The following PROKR1 variants were observed in gnomAD, a reference collection of about 807,000 sequenced individuals.
The protein encoded by PROKR1 is G protein-coupled receptor 73.
Under a neutral mutation model 22.8 loss-of-function variants are expected in PROKR1, and 21 were observed. The ratio of observed to expected loss-of-function variants is 0.92; its 90% CI spans 0.65 to 1.32. PROKR1 has a LOEUF of 1.32. Ranked by LOEUF, PROKR1 falls within the 40% of genes most tolerant of loss-of-function variation. The pLI is 0.00. For missense variants in PROKR1, 548 were observed against 514.2 expected, an observed-to-expected ratio of 1.07 and a Z score of -0.64; for synonymous variants, 193 against 207.5, an observed-to-expected ratio of 0.93 and a Z score of 0.60.
chr2:68,644,534 C>G (rs573268645), intron 1 of PROKR1, among the ~76,000 whole-genome samples: 28 of 152,122 alleles, frequency 1.8e-4, no homozygotes, highest in Non-Finnish European at 3.5e-4. Context: ...AAACTTGGCC[C>G]CAAGAAGACA....
intron 2 of PROKR1, chr2:68,649,436 T>TTTCA (rs1673263682): frequency 6.6e-6 from 1 of 152,228 alleles, no homozygotes; most frequent in Admixed American, 6.5e-5. Context: ...CATCCTAAAC[T>TTTCA]TTCATTCATT....
In PROKR1 at chr2:68,645,836, G is replaced by C; in HGVS notation, c.15G>C (p.Met5Ile). 2 of 1,614,176 alleles carry C rather than the reference G, an allele frequency of 1.2e-6. No individual in the cohort carries two copies. The highest frequency in any genetic ancestry group is 1.7e-6 in the Non-Finnish European group (2 of 1,180,032). The change falls in exon 2 of 3, where the codon ATG (methionine) becomes ATC (isoleucine). Residue 5 changes from methionine to isoleucine, a missense_variant. Physicochemically the swap from Met to Ile is conservative, Grantham distance 10 (BLOSUM62 1). Coordinates refer to ENST00000303786, the MANE Select transcript of PROKR1 (RefSeq NM_138964.4). The stretch of plus-strand genomic sequence containing the variant: ...CACCTGGCCAGATGGAGACCACCAT[G>C]GGGTTCATGGATGACAATGCCACCA... METT[M>I]GFMDDNATNT...
rs373028191 is a variant in PROKR1, at chr2:68,652,465, G to A, written c.486-2415G>A. Among the ~76,000 whole-genome samples, 18 of 152,218 alleles carry A rather than the reference G, an allele frequency of 1.2e-4. 1 individual carries two copies. Among genetic ancestry groups the A allele is most frequent in the South Asian group, 2.1e-4 (1 of 4,820 alleles). Reference sequence around the variant, plus strand: ...GCACAGCTCATGGCACTAATTCTGCGGATGGAGTTGGGGTGATGTCAGAGA... The same window carrying A: ...GCACAGCTCATGGCACTAATTCTGCAGATGGAGTTGGGGTGATGTCAGAGA... On this transcript the variant is annotated intron_variant, in intron 2 of 2. Coordinates refer to ENST00000303786, the MANE Select transcript of PROKR1 (RefSeq NM_138964.4).
chr2:68,654,078 T>C (rs748368272), intron 2 of PROKR1, among the ~76,000 whole-genome samples: 11 of 152,168 alleles, frequency 7.2e-5, no homozygotes, highest in Non-Finnish European at 1.5e-4. Flanking sequence ...TCCTCCTCCT[T>C]TGCATGCAAA....
intron 1 of PROKR1, 24 bp from the exon 2 acceptor site, chr2:68,645,638 C>T (rs566617989): frequency 4.7e-6 from 4 of 850,570 alleles, no homozygotes; most frequent in Admixed American, 2.5e-5. Context: ...AACATATAGC[C>T]AACTGTTTGT....
intron 2 of PROKR1, among the ~76,000 whole-genome samples, chr2:68,650,156 T>C (rs1238324057): frequency 6.6e-6 from 1 of 151,830 alleles, no homozygotes; most frequent in African/African-American, 2.4e-5. Flanking sequence ...GCATGGCACA[T>C]GTATACATAT....
Position 68,646,311 on chromosome 2 carries a change from G to A in PROKR1, c.485+5G>A. The A allele has an allele frequency of 5.6e-6, 9 of 1,614,210 alleles. No homozygotes were observed. Among genetic ancestry groups the A allele is most frequent in the Non-Finnish European group, 6.8e-6 (8 of 1,180,044 alleles). ...GCTGGCCATCGCCATTGACAGGTGAGTGCAGCAGCAGTGGGGACAACAAAG... is the reference window on the plus strand; with the variant it reads ...GCTGGCCATCGCCATTGACAGGTGAATGCAGCAGCAGTGGGGACAACAAAG... On this transcript the variant is annotated splice_donor_5th_base_variant and intron_variant, in intron 2 of 2. Transcript: ENST00000303786.
At position 68,655,485 on chromosome 2, in the gene PROKR1, C is replaced by T; in HGVS notation, c.1091C>T (p.Ser364Phe). The T allele has an allele frequency of 6.2e-7, 1 of 1,614,228 alleles. No individual in the cohort carries two copies. The highest frequency in any genetic ancestry group is 8.5e-7 in the Non-Finnish European group (1 of 1,180,040). ...ATCATGTTGCTCCACTGGAAGGCTT[C>T]TTACAATGGCGGTAAGTCCAGTGCA... ...KKIMLLHWKA[S>F]YNGGKSSADL... Residue 364 changes from serine (S) to phenylalanine (F), a missense_variant, in exon 3 of 3, where the codon TCT becomes TTT. Physicochemically the swap from Ser to Phe is radical, Grantham distance 155. Coordinates refer to ENST00000303786, the MANE Select transcript of PROKR1 (RefSeq NM_138964.4).
intron 2 of PROKR1, among the ~76,000 whole-genome samples, chr2:68,651,440 G>C (rs1419484122): frequency 6.6e-6 from 1 of 152,226 alleles, no homozygotes; most frequent in Non-Finnish European, 1.5e-5. Context: ...GTTTCCTTTT[G>C]ATGTGGAGAC....
rs566853550 is a variant in PROKR1, at chr2:68,648,511, A to G, written c.485+2205A>G. ...ATAGGAAGCTTGTACCCAGACCTCA[A>G]GGAAAGCACCATGTGCCTTCACAGG... On this transcript the variant is annotated intron_variant, in intron 2 of 2. Transcript: ENST00000303786. 1.2e-3 allele frequency among the ~76,000 whole-genome samples: 176 copies of G among 152,258 alleles called. 1 individual carries two copies. Among genetic ancestry groups the G allele is most frequent in the Non-Finnish European group, 2.0e-3 (134 of 68,022 alleles).
intron 2 of PROKR1, among the ~76,000 whole-genome samples, chr2:68,652,905 A>C (rs1673366437): frequency 1.3e-5 from 2 of 152,136 alleles, no homozygotes; most frequent in Admixed American, 1.3e-4. Context: ...TTGAAAACAC[A>C]CTCTGTGTTT....
At chr2:68,651,735 C>T (rs1247878139) in intron 2 of PROKR1, among the ~76,000 whole-genome samples, 2 of 152,196 alleles carry the variant, frequency 1.3e-5, no homozygotes, top group African/African-American at 2.4e-5. Context: ...GGGGCTTGGT[C>T]CTGGGAACGG....
chr2:68,649,411 A>T (rs1673263322), intron 2 of PROKR1: 1 of 151,980 alleles, frequency 6.6e-6, no homozygotes, highest in African/African-American at 2.4e-5. Flanking sequence ...TGTCAACGCT[A>T]CTCCCCTGAC....
rs931759477 is a variant in PROKR1 at position 68,645,688 on chromosome 2, C to A, written c.-134C>A. ...TTTAGAATGGAGCTCAGATACCATA[C>A]CCCAAAGATGCTGGCAGAGACATTC... On this transcript the variant is annotated 5_prime_UTR_variant, in exon 2 of 3. Coordinates refer to ENST00000303786, the MANE Select transcript of PROKR1 (RefSeq NM_138964.4). The A allele has an allele frequency of 8.0e-7, 1 of 1,252,454 alleles. No individual in the cohort carries two copies. The highest frequency in any genetic ancestry group is 1.1e-6 in the Non-Finnish European group (1 of 872,420). 77.6% of individuals were successfully genotyped at this position (1,252,454 alleles called of 1,614,324 possible). A position where few individuals can be genotyped will look rare whatever the true frequency, so the allele number is the denominator to read the frequency against.
rs550570353 is a variant in PROKR1 at position 68,656,646 on chromosome 2, T to C, written c.*1070T>C. ...TTCTGTTTTCACCAGCTCTCAAATG[T>C]GAGTGATGAAGAGTTCCCTCCTAAC... On this transcript the variant is annotated 3_prime_UTR_variant, in exon 3 of 3. Transcript: ENST00000303786. 3.3e-5 allele frequency: 5 copies of C among 152,342 alleles called. No individual in the cohort carries two copies. In the South Asian group the frequency reaches 8.3e-4, roughly 25 times the overall value. The allele number at this position is 152,342 out of a possible 1,614,324, so 9.4% of individuals were successfully genotyped here.
chr2:68,648,902 T>C (rs1265527540), intron 2 of PROKR1, among the ~76,000 whole-genome samples: 2 of 152,188 alleles, frequency 1.3e-5, no homozygotes, highest in Non-Finnish European at 2.9e-5. Context: ...GCCTACAAAA[T>C]GAGGATAAAA....
Position 68,657,086 on chromosome 2 carries a change from A to G in PROKR1, c.*1510A>G, listed in dbSNP as rs943554953. 2 of 152,228 alleles carry G rather than the reference A, an allele frequency of 1.3e-5. No homozygotes were observed. The highest frequency in any genetic ancestry group is 4.8e-5 in the African/African-American group (2 of 41,448). 9.4% of individuals were successfully genotyped at this position (152,228 alleles called of 1,614,324 possible). A position where few individuals can be genotyped will look rare whatever the true frequency, so the allele number is the denominator to read the frequency against. ...TCTGAGAGCCAGACTTGACTCTGTC[A>G]ACTGTGTAGCCCTGGGCAAAGCCTC... On this transcript the variant is annotated 3_prime_UTR_variant, in exon 3 of 3. Transcript: ENST00000303786.
In PROKR1 at chr2:68,657,856, T is replaced by G. The variant is rs1673504014; in HGVS notation, c.*2280T>G. The G allele has an allele frequency of 6.6e-6, 1 of 152,180 alleles. No individual in the cohort carries two copies. The allele number at this position is 152,180 out of a possible 1,614,324, so 9.4% of individuals were successfully genotyped here. On this transcript the variant is annotated 3_prime_UTR_variant, in exon 3 of 3. Coordinates refer to ENST00000303786, the MANE Select transcript of PROKR1 (RefSeq NM_138964.4). ...TCACCCAGTAGACTTACCCTACAAT[T>G]TAATCAGAATGCTCTTGGAGAGTAA...
Position 68,645,643 on chromosome 2 carries a change from G to A in PROKR1, c.-160-19G>A, listed in dbSNP as rs2104179072. ...GCTTTACTGCAACATATAGCCAACT[G>A]TTTGTATGTCTTTCAAAGGTTTAGA... is the stretch of plus-strand genomic sequence containing the variant. On this transcript the variant is annotated intron_variant, in intron 1 of 2. Transcript: ENST00000303786. 1 of 891,574 alleles carries A rather than the reference G, an allele frequency of 1.1e-6. No individual in the cohort carries two copies. The highest frequency in any genetic ancestry group is 1.7e-5 in the South Asian group (1 of 59,900). The allele number at this position is 891,574 out of a possible 1,614,324, so 55.2% of individuals were successfully genotyped here.
Sources: allele counts gnomAD v4.1 joint callset (sites outside exome capture counted in the v4.1 genomes callset), GRCh38; gene constraint gnomAD v4.1.1; transcripts MANE v1.5; gene names NCBI Gene and HGNC (gene_info 2026-07-23, HGNC 2026-07-21).